Variants in YAP1 observed in about 807,000 individuals in gnomAD.
YAP1 encodes the protein transcriptional coactivator YAP1.
YAP1 carries 5 observed loss-of-function variants against 56.9 expected under a neutral mutation model. The observed-to-expected ratio is 0.09, with a 90% CI of 0.05 to 0.18. The LOEUF is 0.18. YAP1 is among the 10% of genes least tolerant of loss of function. YAP1 has a pLI of 1.00. For synonymous variants in YAP1, 265 were observed against 248.1 expected, an observed-to-expected ratio of 1.07 and a Z score of -0.64; for missense variants, 539 against 651.8, an observed-to-expected ratio of 0.83 and a Z score of 1.88.
At chr11:102,187,796 TA>T (rs561571792) in intron 4 of YAP1, among the ~76,000 whole-genome samples, 11 of 152,256 alleles carry the variant, frequency 7.2e-5, no homozygotes, top group African/African-American at 2.4e-4. Flanking sequence ...GGAGGTACTT[TA>T]AAAAAACACT....
rs1942839010 is a variant in YAP1 at position 102,110,727 on chromosome 11, G to A, written c.-122G>A. The A allele has an allele frequency of 3.2e-6, 3 of 931,100 alleles. No individual in the cohort carries two copies. Among genetic ancestry groups the A allele is most frequent in the South Asian group, 4.8e-5 (1 of 20,688 alleles). 57.7% of individuals were successfully genotyped at this position (931,100 alleles called of 1,614,324 possible). ...CGCAGCCCCCCGGCCCTGAGAGCGA[G>A]GACAGCGCCGCCCGGCCCGCAGCCG... is the stretch of plus-strand genomic sequence containing the variant. On this transcript the variant is annotated 5_prime_UTR_variant, in exon 1 of 9. Coordinates refer to ENST00000282441, the MANE Select transcript of YAP1 (RefSeq NM_001130145.3).
rs768675863 is a variant in YAP1 at position 102,111,016 on chromosome 11, C to T, written c.168C>T (p.His56=). The T allele has an allele frequency of 3.1e-5, 50 of 1,603,640 alleles. No homozygotes were observed. Among genetic ancestry groups the T allele is most frequent in the Admixed American group, 1.7e-5 (1 of 59,032 alleles). The change falls in exon 1 of 9, where the codon CAC becomes CAT. Residue 56 remains histidine, a synonymous_variant. Coordinates refer to ENST00000282441, the MANE Select transcript of YAP1 (RefSeq NM_001130145.3). Reference sequence around the variant, plus strand: ...CCCCCGCCGGGCATCAGATCGTGCACGTCCGCGGGGACTCGGAGACCGACC... The same window carrying T: ...CCCCCGCCGGGCATCAGATCGTGCATGTCCGCGGGGACTCGGAGACCGACC... The part of the protein sequence containing the change: ...QAPPAGHQIV[H]VRGDSETDLE...
At chr11:102,214,007 G>A (rs1949543523) in intron 6 of YAP1, among the ~76,000 whole-genome samples, 1 of 152,188 alleles carries the variant, frequency 6.6e-6, no homozygotes, top group South Asian at 2.1e-4. Flanking sequence ...GAGTCTGGGA[G>A]GCAGCGGTTC....
At chr11:102,191,190 A>T (rs1948260836) in intron 4 of YAP1, among the ~76,000 whole-genome samples, 1 of 150,174 alleles carries the variant, frequency 6.7e-6, no homozygotes, top group African/African-American at 2.5e-5. Context: ...AAAAAAAATT[A>T]TTAACTGATA....
At chr11:102,203,794 T>A (rs953275088) in intron 4 of YAP1, among the ~76,000 whole-genome samples, 1 of 152,244 alleles carries the variant, frequency 6.6e-6, no homozygotes, top group African/African-American at 2.4e-5. Flanking sequence ...TCATGAATTA[T>A]ACTATTTCAA....
At chr11:102,187,349 T>G (rs1948024860) in intron 4 of YAP1, among the ~76,000 whole-genome samples, 1 of 119,790 alleles carries the variant, frequency 8.3e-6, no homozygotes, top group Non-Finnish European at 1.8e-5. Context: ...CCTTTTAAGC[T>G]TCAAGACCTG....
intron 2 of YAP1, among the ~76,000 whole-genome samples, chr11:102,142,838 A>G (rs1441470748): frequency 6.6e-6 from 1 of 152,178 alleles, no homozygotes; most frequent in Non-Finnish European, 1.5e-5. Flanking sequence ...GATATTTTCA[A>G]ACTTTTTTAG....
At chr11:102,136,263 C>CTTTTG (rs1477416885) in intron 2 of YAP1, among the ~76,000 whole-genome samples, 2 of 151,462 alleles carry the variant, frequency 1.3e-5, no homozygotes, top group Non-Finnish European at 2.9e-5. Context: ...GCCCAGTGTT[C>CTTTTG]TTTTGAATTT....
At chr11:102,175,144 A>C (rs1947161992) in intron 3 of YAP1, among the ~76,000 whole-genome samples, 1 of 152,180 alleles carries the variant, frequency 6.6e-6, no homozygotes, top group Non-Finnish European at 1.5e-5. Flanking sequence ...GTATGTTTAT[A>C]GTATCATTAG....
intron 3 of YAP1, among the ~76,000 whole-genome samples, chr11:102,174,384 G>A (rs913222200): frequency 4.6e-5 from 7 of 152,066 alleles, no homozygotes; most frequent in Non-Finnish European, 1.0e-4. Flanking sequence ...AGATCATGAG[G>A]TCAACAGATC....
intron 3 of YAP1, among the ~76,000 whole-genome samples, chr11:102,177,640 G>A (rs576658650): frequency 5.5e-5 from 8 of 146,024 alleles, no homozygotes; most frequent in South Asian, 4.3e-4. Flanking sequence ...TTGCGCCATG[G>A]CACTCTAGCC....
Position 102,151,306 on chromosome 11 carries a change from G to A in YAP1, c.573-11150G>A, listed in dbSNP as rs371030971. Among the ~76,000 whole-genome samples, 75 of 152,222 alleles carry A rather than the reference G, an allele frequency of 4.9e-4. 1 individual carries two copies. The East Asian group carries it at 0.012, about 24-fold the overall frequency. On this transcript the variant is annotated intron_variant, in intron 2 of 8. Coordinates refer to ENST00000282441, the MANE Select transcript of YAP1 (RefSeq NM_001130145.3). ...AATGTACTTGGGTTCTCTCATTTAA[G>A]TGGTACAGAAATCATACCTCTGTAA...
Position 102,162,468 on chromosome 11 carries a change from GACA to G in YAP1, c.592_594del (p.Thr198del). The G allele has an allele frequency of 6.2e-7, 1 of 1,614,108 alleles. No individual in the cohort carries two copies. Among genetic ancestry groups the G allele is most frequent in the African/African-American group, 1.3e-5 (1 of 75,028 alleles). ...TGTTTTGTCTTAGTCACATCGATCA[GACA>G]ACAACATGGCAGGACCCCAGGAAGG... is the stretch of plus-strand genomic sequence containing the variant. On this transcript the variant is annotated inframe_deletion, in exon 3 of 9. Transcript: ENST00000282441.
intron 1 of YAP1, among the ~76,000 whole-genome samples, chr11:102,113,882 A>G (rs1463719377): frequency 2.6e-5 from 4 of 152,134 alleles, no homozygotes; most frequent in Admixed American, 6.5e-5. Flanking sequence ...TTGCCCTTAC[A>G]TGTCTAGTGT....
chr11:102,133,285 T>C (rs1198267727), intron 2 of YAP1, among the ~76,000 whole-genome samples: 1 of 152,206 alleles, frequency 6.6e-6, no homozygotes, highest in Non-Finnish European at 1.5e-5. Flanking sequence ...ATAAAACTCT[T>C]GTGGCACACA....
intron 6 of YAP1, among the ~76,000 whole-genome samples, chr11:102,220,983 T>A (rs893363660): frequency 2.2e-4 from 34 of 152,118 alleles, no homozygotes; most frequent in African/African-American, 8.2e-4. Flanking sequence ...GACTTAAGAT[T>A]TTAGAGTTGG....
At chr11:102,122,521 G>A (rs545154330) in intron 2 of YAP1, among the ~76,000 whole-genome samples, 7 of 152,210 alleles carry the variant, frequency 4.6e-5, no homozygotes, top group South Asian at 2.1e-4. Flanking sequence ...GTGTGTAAAC[G>A]TATATTTTGA....
At chr11:102,191,903 G>A (rs1350762051) in intron 4 of YAP1, among the ~76,000 whole-genome samples, 1 of 152,078 alleles carries the variant, frequency 6.6e-6, no homozygotes, top group East Asian at 1.9e-4. Context: ...AAACCCCTGG[G>A]GCTCAAGCAG....
At chr11:102,211,748 G>T (rs1949413048) in intron 6 of YAP1, among the ~76,000 whole-genome samples, 1 of 151,508 alleles carries the variant, frequency 6.6e-6, no homozygotes, top group African/African-American at 2.4e-5. Context: ...CTGTCACCCA[G>T]GCTGGAGTGC....
Sources: allele counts gnomAD v4.1 joint callset (sites outside exome capture counted in the v4.1 genomes callset), GRCh38; gene constraint gnomAD v4.1.1; transcripts MANE v1.5; gene names NCBI Gene and HGNC (gene_info 2026-07-23, HGNC 2026-07-21).